Variants in CBLB observed in about 807,000 individuals in gnomAD.
CBLB encodes E3 ubiquitin-protein ligase CBL-B.
CBLB carries 31 observed loss-of-function variants against 104.9 expected under a neutral mutation model. The observed-to-expected ratio is 0.30, with a 90% CI of 0.22 to 0.40. The LOEUF is 0.40. CBLB is among the 10% of genes least tolerant of loss of function. The pLI, the probability that CBLB is intolerant of heterozygous loss-of-function variation, is 1.00. For missense variants in CBLB, 1,062 were observed against 1,214.6 expected (o/e 0.87, Z 1.87); for synonymous variants, 440 against 422.6 (o/e 1.04, Z -0.51).
intron 12 of CBLB, among the ~76,000 whole-genome samples, chr3:105,701,548 A>G (rs1359724953): frequency 6.6e-6 from 1 of 152,172 alleles, no homozygotes; most frequent in Non-Finnish European, 1.5e-5. Context: ...GGATCCCCTG[A>G]GCTCAAGAGT....
rs1409741247 is a variant in CBLB, at chr3:105,702,478, A to G, written c.1594-19T>C. On this transcript the variant is annotated intron_variant, in intron 11 of 18. Coordinates refer to ENST00000394030, the MANE Select transcript of CBLB (RefSeq NM_170662.5). ...GAGAAGACTAAAGAAACAGAAGAGA[A>G]AAAAAAAAAAAAAAAAAAAAACTAA... 25 of 1,232,820 alleles carry G rather than the reference A, an allele frequency of 2.0e-5. No individual in the cohort carries two copies. Among genetic ancestry groups the G allele is most frequent in the East Asian group, 7.6e-5 (2 of 26,244 alleles). The allele number at this position is 1,232,820 out of a possible 1,614,324, so 76.4% of individuals were successfully genotyped here.
chr3:105,662,457 T>TG (rs1245745041), intron 18 of CBLB, among the ~76,000 whole-genome samples: 1 of 152,230 alleles, frequency 6.6e-6, no homozygotes, highest in African/African-American at 2.4e-5. Context: ...AGCATGTGTT[T>TG]GCTCTAGTGC....
chr3:105,765,624 A>C (rs1277115190), intron 4 of CBLB, among the ~76,000 whole-genome samples: 1 of 152,194 alleles, frequency 6.6e-6, no homozygotes, highest in Non-Finnish European at 1.5e-5. Context: ...CAAAAATCCT[A>C]GGTCCTTTAA....
intron 3 of CBLB, among the ~76,000 whole-genome samples, chr3:105,837,581 G>C (rs1324583528): frequency 6.6e-6 from 1 of 152,078 alleles, no homozygotes; most frequent in Non-Finnish European, 1.5e-5. Context: ...TTATCTTACA[G>C]GTACTAAGTG....
At chr3:105,703,180 T>C (rs1443105) in intron 11 of CBLB, among the ~76,000 whole-genome samples, 37,431 of 152,084 alleles carry the variant, frequency 0.25, 4,807 homozygotes, top group Non-Finnish European at 0.27. Flanking sequence ...TGATGATTGA[T>C]TTGTAATTTT....
chr3:105,745,222 G>A (rs576649415), intron 6 of CBLB, among the ~76,000 whole-genome samples: 250 of 152,272 alleles, frequency 1.6e-3, no homozygotes, highest in Non-Finnish European at 3.0e-3. Flanking sequence ...ATTTTTAGAT[G>A]AAATACATGG....
intron 3 of CBLB, among the ~76,000 whole-genome samples, chr3:105,788,930 G>A (rs931897320): frequency 6.6e-6 from 1 of 152,142 alleles, no homozygotes; most frequent in Non-Finnish European, 1.5e-5. Context: ...AAGAAATCAC[G>A]TAGAAAGACC....
At chr3:105,734,292 G>A (rs1452808804) in intron 8 of CBLB, 152 bp from the exon 9 acceptor site, 13 of 775,978 alleles carry the variant, frequency 1.7e-5, no homozygotes, top group Middle Eastern at 7.1e-4. Context: ...GTTTTGAATT[G>A]ATAATCACAA....
rs2064919125 is a variant in CBLB, at chr3:105,670,216, G to A, written c.2689+17C>T. On this transcript the variant is annotated intron_variant, in intron 18 of 18. Transcript: ENST00000394030. Reference sequence around the variant, plus strand: ...ATAACAATAAGGTATTATTGTTACTGTTACTAGCCAACTCACCTGAACATG... The same window carrying A: ...ATAACAATAAGGTATTATTGTTACTATTACTAGCCAACTCACCTGAACATG... The A allele has an allele frequency of 1.9e-6, 3 of 1,610,498 alleles. No individual in the cohort carries two copies. The highest frequency in any genetic ancestry group is 2.5e-6 in the Non-Finnish European group (3 of 1,177,052).
rs192929671 is a variant in CBLB at position 105,822,815 on chromosome 3, A to G, written c.419+30599T>C. 3.9e-5 allele frequency among the ~76,000 whole-genome samples: 6 copies of G among 152,308 alleles called. No homozygotes were observed. In the East Asian group the frequency reaches 1.2e-3, roughly 29 times the overall value. ...TCTACAGAAGTGAATAATGGCCTTC[A>G]GGTACATCAGCATTTTCTGCTCTCT... is the stretch of plus-strand genomic sequence containing the variant. On this transcript the variant is annotated intron_variant, in intron 3 of 18. Coordinates refer to ENST00000394030, the MANE Select transcript of CBLB (RefSeq NM_170662.5).
chr3:105,840,047 A>G (rs913774243), intron 3 of CBLB, among the ~76,000 whole-genome samples: 9 of 152,238 alleles, frequency 5.9e-5, no homozygotes, highest in African/African-American at 2.2e-4. Context: ...TCTGGAAAAA[A>G]GAATAAAATT....
rs140273306 is a variant in CBLB at position 105,726,386 on chromosome 3, G to A, written c.1204-6136C>T. On this transcript the variant is annotated intron_variant, in intron 9 of 18. Transcript: ENST00000394030. ...CAATATACAGGAAGAATAACCACAG[G>A]AAAATTAATTTTACATTTAATTGAA... 2.2e-3 allele frequency among the ~76,000 whole-genome samples: 334 copies of A among 152,030 alleles called. 2 individuals carry two copies. Among genetic ancestry groups the A allele is most frequent in the African/African-American group, 7.8e-3 (323 of 41,440 alleles).
Position 105,800,358 on chromosome 3 carries a change from C to T in CBLB, c.420-23816G>A, listed in dbSNP as rs79242382. Among the ~76,000 whole-genome samples the T allele has an allele frequency of 6.4e-3, 980 of 152,230 alleles. 32 individuals are homozygous for T. The highest frequency in any genetic ancestry group is 0.053 in the East Asian group (272 of 5,178). ...CTGAGTAGGAGGATGCTTCCTAGTT[C>T]CTTCTAACACACAACGAATCCCAAG... On this transcript the variant is annotated intron_variant, in intron 3 of 18. Coordinates refer to ENST00000394030, the MANE Select transcript of CBLB (RefSeq NM_170662.5).
chr3:105,657,346 G>T lies in CBLB; in HGVS notation c.*1624C>A. On this transcript the variant is annotated 3_prime_UTR_variant, in exon 19 of 19. Coordinates refer to ENST00000394030, the MANE Select transcript of CBLB (RefSeq NM_170662.5). ...GTGTGAAGTGAAAAGAGGAGACACA[G>T]AAATATGCACAAACCCACAATTAGT... The T allele has an allele frequency of 4.6e-6, 1 of 217,372 alleles. No homozygotes were observed. The highest frequency in any genetic ancestry group is 6.8e-5 in the East Asian group (1 of 14,700). The allele number at this position is 217,372 out of a possible 1,614,324, so 13.5% of individuals were successfully genotyped here. A position where few individuals can be genotyped will look rare whatever the true frequency, so the allele number is the denominator to read the frequency against.
In CBLB at chr3:105,867,442, C is replaced by T. The variant is rs1255060207; in HGVS notation, c.136G>A (p.Val46Met). 3 of 1,614,170 alleles carry T rather than the reference C, an allele frequency of 1.9e-6. No homozygotes were observed. Among genetic ancestry groups the T allele is most frequent in the Non-Finnish European group, 2.5e-6 (3 of 1,180,010 alleles). Residue 46 changes from valine to methionine, a missense_variant, in exon 2 of 19, where the codon GTG becomes ATG. By Grantham distance (21) the Val-to-Met change is conservative (BLOSUM62 1). Around this residue, in one of 2 missense-constraint regions of CBLB, gnomAD observed 457 missense variants for 632.0 expected, o/e 0.72. Transcript: ENST00000394030. ...TCCATGAGCTTCCAAGTCTTCTCCA[C>T]GGTCCTGCGATCTGCGGCAGCTTGC... ...PKQAAADRRT[V>M]EKTWKLMDKV...
chr3:105,826,725 TAAAC>T (rs2086636721), intron 3 of CBLB, among the ~76,000 whole-genome samples: 1 of 152,122 alleles, frequency 6.6e-6, no homozygotes, highest in Admixed American at 6.6e-5. Context: ...CTTCTGAACA[TAAAC>T]AGAAAAGCAA....
intron 3 of CBLB, among the ~76,000 whole-genome samples, chr3:105,797,604 A>G (rs2082387674): frequency 6.6e-6 from 1 of 152,228 alleles, no homozygotes; most frequent in African/African-American, 2.4e-5. Flanking sequence ...ATAAAGGTTA[A>G]AAGACAGAGA....
At chr3:105,689,654 G>C (rs2067428873) in intron 13 of CBLB, among the ~76,000 whole-genome samples, 1 of 151,000 alleles carries the variant, frequency 6.6e-6, no homozygotes, top group Non-Finnish European at 1.5e-5. Context: ...TAACTATTCA[G>C]AGTATCATTT....
At chr3:105,855,735 T>G (rs997557406) in intron 2 of CBLB, among the ~76,000 whole-genome samples, 8 of 152,160 alleles carry the variant, frequency 5.3e-5, no homozygotes, top group Non-Finnish European at 1.0e-4. Context: ...CAAAAACTAG[T>G]CTAGATTATT....
Sources: allele counts gnomAD v4.1 joint callset (sites outside exome capture counted in the v4.1 genomes callset), GRCh38; gene constraint gnomAD v4.1.1; regional missense constraint gnomAD v4.1.1; transcripts MANE v1.5; gene names NCBI Gene and HGNC (gene_info 2026-07-23, HGNC 2026-07-21).